PDZRN4: variants seen among roughly 807,000 people sequenced by gnomAD.
PDZRN4 encodes the protein PDZ domain-containing RING finger protein 4.
In PDZRN4, 70 loss-of-function variants were observed where a neutral mutation model predicts 99.0. The observed-to-expected ratio is 0.71, with a 90% CI of 0.58 to 0.86. PDZRN4 has a LOEUF of 0.86. Ranked by LOEUF, PDZRN4 falls within the 40% of genes least tolerant of loss-of-function variation. PDZRN4 has a pLI of 0.00. For synonymous variants in PDZRN4, 551 were observed against 501.6 expected, an observed-to-expected ratio of 1.10 and a Z score of -1.32; for missense variants, 1,474 against 1,331.2, an observed-to-expected ratio of 1.11 and a Z score of -1.67.
chr12:41,392,239 T>C (rs773586901), intron 3 of PDZRN4, among the ~76,000 whole-genome samples: 17 of 152,158 alleles, frequency 1.1e-4, no homozygotes, highest in Admixed American at 3.3e-4. Flanking sequence ...AGGACAATGA[T>C]TCTTATGTTT....
intron 3 of PDZRN4, among the ~76,000 whole-genome samples, chr12:41,457,095 G>A (rs1038706593): frequency 4.6e-5 from 7 of 151,896 alleles, no homozygotes; most frequent in South Asian, 2.1e-4. Context: ...CTCCTTACTA[G>A]ATCTCTGACT....
chr12:41,427,805 CAGGTCCTGACCACCTGG>C (rs1426338933), intron 3 of PDZRN4, among the ~76,000 whole-genome samples: 3 of 152,108 alleles, frequency 2.0e-5, no homozygotes, highest in Non-Finnish European at 4.4e-5. Context: ...GAGAAAACTT[CAGGTCCTGACCACCTGG>C]CGCAGACCTG....
intron 3 of PDZRN4, among the ~76,000 whole-genome samples, chr12:41,202,789 A>G (rs565634265): frequency 2.1e-4 from 32 of 152,236 alleles, no homozygotes; most frequent in Middle Eastern, 3.4e-3. Context: ...TTATAACATT[A>G]GATGAGCAAT....
intron 3 of PDZRN4, among the ~76,000 whole-genome samples, chr12:41,386,957 C>A (rs1265821254): frequency 6.6e-6 from 1 of 152,158 alleles, no homozygotes; most frequent in Non-Finnish European, 1.5e-5. Flanking sequence ...TTCTGTACAA[C>A]ACTTACAAAA....
At chr12:41,431,027 G>C (rs916373916) in intron 3 of PDZRN4, among the ~76,000 whole-genome samples, 1 of 152,120 alleles carries the variant, frequency 6.6e-6, no homozygotes, top group Non-Finnish European at 1.5e-5. Flanking sequence ...CAGTACCAAG[G>C]GGATGGTGGT....
chr12:41,195,851 A>T (rs963580152), intron 3 of PDZRN4, among the ~76,000 whole-genome samples: 1 of 152,188 alleles, frequency 6.6e-6, no homozygotes, highest in Non-Finnish European at 1.5e-5. Flanking sequence ...TCTCAAAAAC[A>T]TATTAAGTTG....
chr12:41,430,799 G>C (rs952449433), intron 3 of PDZRN4, among the ~76,000 whole-genome samples: 3 of 152,150 alleles, frequency 2.0e-5, no homozygotes, highest in African/African-American at 7.2e-5. Flanking sequence ...TTGAGACTGG[G>C]TAGTTTATGA....
At chr12:41,248,249 C>T (rs1951146279) in intron 3 of PDZRN4, among the ~76,000 whole-genome samples, 1 of 152,092 alleles carries the variant, frequency 6.6e-6, no homozygotes, top group African/African-American at 2.4e-5. Context: ...CAGAACAATA[C>T]CCAAAGTGTT....
intron 3 of PDZRN4, among the ~76,000 whole-genome samples, chr12:41,357,292 G>A (rs1951934679): frequency 6.6e-6 from 1 of 151,672 alleles, no homozygotes; most frequent in South Asian, 2.1e-4. Flanking sequence ...TATGCTACTT[G>A]CTAGCAATAA....
At chr12:41,463,620 A>G (rs563140301) in intron 3 of PDZRN4, among the ~76,000 whole-genome samples, 26 of 152,288 alleles carry the variant, frequency 1.7e-4, no homozygotes, top group African/African-American at 5.8e-4. Flanking sequence ...GTAAAGCACC[A>G]TAAAATAGAA....
chr12:41,336,652 G>A (rs1253338035), intron 3 of PDZRN4, among the ~76,000 whole-genome samples: 4 of 150,778 alleles, frequency 2.7e-5, no homozygotes, highest in East Asian at 2.0e-4. Flanking sequence ...GTGGGAGACC[G>A]GAGTTTTATT....
chr12:41,449,178 A>G (rs1408665887), intron 3 of PDZRN4, among the ~76,000 whole-genome samples: 1 of 152,158 alleles, frequency 6.6e-6, no homozygotes, highest in Non-Finnish European at 1.5e-5. Context: ...AATACTCCTC[A>G]AAGTGTGGTT....
At chr12:41,480,738 A>G (rs1342515687) in intron 3 of PDZRN4, among the ~76,000 whole-genome samples, 1 of 152,140 alleles carries the variant, frequency 6.6e-6, no homozygotes, top group Admixed American at 6.6e-5. Flanking sequence ...CAGATTGTCA[A>G]CAGAAAGCAA....
At chr12:41,198,877 T>G (rs887127874) in intron 3 of PDZRN4, among the ~76,000 whole-genome samples, 1 of 152,158 alleles carries the variant, frequency 6.6e-6, no homozygotes, top group African/African-American at 2.4e-5. Context: ...ACTTTTTAAC[T>G]ATCGCCAGAC....
In PDZRN4 at chr12:41,402,992, C is replaced by T. The variant is rs912002325; in HGVS notation, c.844-103464C>T. Among the ~76,000 whole-genome samples the T allele has an allele frequency of 7.2e-5, 11 of 151,890 alleles. No homozygotes were observed. The East Asian group carries it at 7.7e-4, about 11-fold the overall frequency. ...TAGATCTCACTGTTGGGTGACTCAT[C>T]GCTTAATAATTCAAGCCAGATTTGT... On this transcript the variant is annotated intron_variant, in intron 3 of 9. Coordinates refer to ENST00000402685, the MANE Select transcript of PDZRN4 (RefSeq NM_001164595.2).
chr12:41,509,395 G>A (rs1938266146), intron 4 of PDZRN4, among the ~76,000 whole-genome samples: 1 of 152,098 alleles, frequency 6.6e-6, no homozygotes, highest in Non-Finnish European at 1.5e-5. Flanking sequence ...TGCAGCTGTG[G>A]ATTATGAAAT....
intron 3 of PDZRN4, among the ~76,000 whole-genome samples, chr12:41,347,520 G>A (rs10735992): frequency 0.89 from 135,927 of 152,184 alleles, 60,938 homozygotes; most frequent in Middle Eastern, 0.96. Context: ...GACATGTAAG[G>A]GTTCTTTAGA....
chr12:41,291,172 T>A (rs1318128782), intron 3 of PDZRN4, among the ~76,000 whole-genome samples: 3 of 152,124 alleles, frequency 2.0e-5, no homozygotes, highest in African/African-American at 7.2e-5. Context: ...TATAAAAATT[T>A]TATTTTACTT....
chr12:41,251,052 A>C (rs1468946199), intron 3 of PDZRN4, among the ~76,000 whole-genome samples: 1 of 152,148 alleles, frequency 6.6e-6, no homozygotes, highest in Non-Finnish European at 1.5e-5. Flanking sequence ...CTCCTGTTAG[A>C]ATTCTTTGAA....
Sources: allele counts gnomAD v4.1 joint callset (sites outside exome capture counted in the v4.1 genomes callset), GRCh38; gene constraint gnomAD v4.1.1; transcripts MANE v1.5; gene names NCBI Gene and HGNC (gene_info 2026-07-23, HGNC 2026-07-21).